KHDRBS3: variants seen among roughly 807,000 people sequenced by gnomAD.
KHDRBS3 encodes the protein KH RNA binding domain containing, signal transduction associated 3.
KHDRBS3 carries 23 observed loss-of-function variants against 45.6 expected under a neutral mutation model. The ratio of observed to expected loss-of-function variants is 0.50; its 90% CI spans 0.36 to 0.72. KHDRBS3 has a LOEUF of 0.72. Among genes scored for constraint, KHDRBS3 ranks in the 30% least tolerant of loss-of-function variants. The pLI is 0.00. For synonymous variants in KHDRBS3, 162 were observed against 156.5 expected (o/e 1.04, Z -0.26); for missense variants, 352 against 424.8 (o/e 0.83, Z 1.51).
intron 7 of KHDRBS3, among the ~76,000 whole-genome samples, chr8:135,610,938 G>A (rs1194890610): frequency 6.6e-6 from 1 of 151,914 alleles, no homozygotes; most frequent in Admixed American, 6.6e-5. Flanking sequence ...AAGGTATGAT[G>A]TGTTTATACT....
intron 1 of KHDRBS3, among the ~76,000 whole-genome samples, chr8:135,478,089 CT>C (rs1822384591): frequency 6.6e-6 from 1 of 152,166 alleles, no homozygotes; most frequent in Non-Finnish European, 1.5e-5. Flanking sequence ...ATCCAATCCC[CT>C]TGCACTCCTG....
intron 7 of KHDRBS3, among the ~76,000 whole-genome samples, chr8:135,616,230 A>C (rs917240500): frequency 6.6e-6 from 1 of 152,240 alleles, no homozygotes; most frequent in Non-Finnish European, 1.5e-5. Flanking sequence ...GAGCTTGACC[A>C]AAGTCACATA....
chr8:135,587,321 C>T (rs1223120069), intron 6 of KHDRBS3, among the ~76,000 whole-genome samples: 2 of 152,108 alleles, frequency 1.3e-5, no homozygotes, highest in East Asian at 1.9e-4. Flanking sequence ...ATTATTATTA[C>T]GGGAGTACGT....
At chr8:135,480,185 A>G (rs1822493477) in intron 1 of KHDRBS3, among the ~76,000 whole-genome samples, 1 of 152,212 alleles carries the variant, frequency 6.6e-6, no homozygotes, top group Non-Finnish European at 1.5e-5. Context: ...AGTACAATAT[A>G]TGAAAACCCA....
chr8:135,517,896 T>A (rs1036784942), intron 1 of KHDRBS3, among the ~76,000 whole-genome samples: 1 of 152,204 alleles, frequency 6.6e-6, no homozygotes, highest in African/African-American at 2.4e-5. Context: ...CAACTTAAGA[T>A]TTGTAGGATG....
intron 5 of KHDRBS3, among the ~76,000 whole-genome samples, chr8:135,568,083 C>T (rs1375941998): frequency 6.6e-6 from 1 of 152,152 alleles, no homozygotes; most frequent in African/African-American, 2.4e-5. Context: ...CCTTACTTGC[C>T]ACACACACAG....
At chr8:135,551,094 G>T (rs566370770) in intron 4 of KHDRBS3, among the ~76,000 whole-genome samples, 1 of 151,968 alleles carries the variant, frequency 6.6e-6, no homozygotes, top group African/African-American at 2.4e-5. Context: ...CTTGCCAAAC[G>T]TGTTTATTAG....
rs771697654 is a variant in KHDRBS3 at position 135,557,431 on chromosome 8, T to G, written c.472-17T>G. On this transcript the variant is annotated splice_polypyrimidine_tract_variant and intron_variant, in intron 4 of 8. Coordinates refer to ENST00000355849, the MANE Select transcript of KHDRBS3 (RefSeq NM_006558.3). ...CTAATATGAAGTGAATTTTGCTATC[T>G]TCTGTCTTTTGTGTAGGATTATAAT... is the stretch of plus-strand genomic sequence containing the variant. The G allele has an allele frequency of 8.3e-6, 13 of 1,568,094 alleles. No individual in the cohort carries two copies. The African/African-American group carries it at 1.5e-4, about 18-fold the overall frequency.
chr8:135,567,511 A>G (rs1331856207), intron 5 of KHDRBS3, among the ~76,000 whole-genome samples: 2 of 152,238 alleles, frequency 1.3e-5, no homozygotes, highest in African/African-American at 2.4e-5. Context: ...TACTAGGACC[A>G]TATGGCAAAG....
At chr8:135,459,361 A>G (rs562015379) in intron 1 of KHDRBS3, among the ~76,000 whole-genome samples, 4 of 152,248 alleles carry the variant, frequency 2.6e-5, no homozygotes, top group African/African-American at 9.6e-5. Flanking sequence ...ATTTTATTTT[A>G]ATTGCAGGCT....
intron 5 of KHDRBS3, among the ~76,000 whole-genome samples, chr8:135,580,623 T>TTTA (rs397813640): frequency 6.8e-6 from 1 of 147,482 alleles, no homozygotes; most frequent in African/African-American, 2.5e-5. Flanking sequence ...TTTTTTTTTT[T>TTTA]AATTTTTCTG....
intron 5 of KHDRBS3, among the ~76,000 whole-genome samples, chr8:135,563,942 T>G (rs1458517597): frequency 6.6e-6 from 1 of 152,204 alleles, no homozygotes; most frequent in East Asian, 1.9e-4. Flanking sequence ...CAAAAGAGAT[T>G]ATGCCCTCTT....
At chr8:135,651,337 TG>T (rs1314921876), downstream of KHDRBS3, among the ~76,000 whole-genome samples, 2 of 151,160 alleles carry the variant, frequency 1.3e-5, no homozygotes, top group Non-Finnish European at 2.9e-5. Context: ...ATCATAGTCA[TG>T]ATACCTTAGT....
chr8:135,594,558 C>A (rs1182860692), intron 6 of KHDRBS3, among the ~76,000 whole-genome samples: 2 of 152,152 alleles, frequency 1.3e-5, no homozygotes, highest in South Asian at 4.2e-4. Context: ...TACTTGATAC[C>A]TGACACATTA....
chr8:135,599,300 G>C (rs1222877945), intron 6 of KHDRBS3, among the ~76,000 whole-genome samples: 3 of 152,192 alleles, frequency 2.0e-5, no homozygotes, highest in African/African-American at 7.2e-5. Flanking sequence ...CATTATTTAT[G>C]TTTATAATAA....
At chr8:135,519,737 G>A (rs1824809523) in intron 1 of KHDRBS3, among the ~76,000 whole-genome samples, 1 of 152,184 alleles carries the variant, frequency 6.6e-6, no homozygotes, top group East Asian at 1.9e-4. Context: ...GTCCCATTTA[G>A]TGTCCTTTAA....
chr8:135,480,391 TA>T (rs373526202), intron 1 of KHDRBS3, among the ~76,000 whole-genome samples: 2,119 of 152,268 alleles, frequency 0.014, 38 homozygotes, highest in African/African-American at 0.048. Flanking sequence ...AGGAATCCAC[TA>T]AAAAACTACT....
chr8:135,460,970 G>A (rs945812543), intron 1 of KHDRBS3, among the ~76,000 whole-genome samples: 14 of 152,134 alleles, frequency 9.2e-5, no homozygotes, highest in Non-Finnish European at 1.5e-4. Flanking sequence ...CTCCTGTCTG[G>A]TATACATTGG....
chr8:135,616,910 T>C (rs1381845804), intron 7 of KHDRBS3, among the ~76,000 whole-genome samples: 1 of 152,122 alleles, frequency 6.6e-6, no homozygotes, highest in Non-Finnish European at 1.5e-5. Context: ...TAGTCTCTTT[T>C]TGATGGAAGA....
Sources: gnomAD v4.1 joint callset for allele counts (sites outside exome capture counted in the v4.1 genomes callset) on GRCh38, gnomAD v4.1.1 for gene constraint, MANE v1.5 for transcripts, NCBI Gene and HGNC (gene_info 2026-07-23, HGNC 2026-07-21) for gene names.